The following TDP1 variants were observed in gnomAD, a reference collection of about 807,000 sequenced individuals.
TDP1 encodes the protein tyr-DNA phosphodiesterase 1.
Under a neutral mutation model 81.5 loss-of-function variants are expected in TDP1, and 64 were observed. The observed-to-expected ratio is 0.79, with a 90% CI of 0.64 to 0.97. The LOEUF is 0.97. Among genes scored for constraint, TDP1 ranks in the 50% least tolerant of loss-of-function variants. The pLI, the probability that TDP1 is intolerant of heterozygous loss-of-function variation, is 0.00. For missense variants in TDP1, 723 were observed against 743.8 expected (o/e 0.97, Z 0.33); for synonymous variants, 256 against 264.3 (o/e 0.97, Z 0.30).
chr14:89,973,902 C>A (rs903094217), intron 6 of TDP1, among the ~76,000 whole-genome samples: 6 of 152,078 alleles, frequency 3.9e-5, no homozygotes, highest in Admixed American at 3.9e-4. Context: ...CACGTTCTCA[C>A]GGTGTCCTCA....
intron 7 of TDP1, among the ~76,000 whole-genome samples, chr14:89,977,433 G>T (rs768734976): frequency 6.6e-6 from 1 of 152,076 alleles, no homozygotes; most frequent in Admixed American, 6.5e-5. Context: ...GAGTTGCTGG[G>T]ACTACAGGCG....
intron 9 of TDP1, 23 bp from the exon 10 acceptor site, chr14:89,985,109 C>A: frequency 6.4e-7 from 1 of 1,572,028 alleles, no homozygotes; most frequent in Non-Finnish European, 8.7e-7. Flanking sequence ...TATTTTATAA[C>A]TTGTGTTTTT....
intron 15 of TDP1, chr14:90,022,926 C>A: frequency 1.4e-6 from 1 of 737,632 alleles, no homozygotes; most frequent in Non-Finnish European, 2.3e-6. Context: ...CGGTTCCCTC[C>A]TCAAAGCATA....
At chr14:89,959,578 A>C (rs147653777) in intron 2 of TDP1, among the ~76,000 whole-genome samples, 1 of 152,256 alleles carries the variant, frequency 6.6e-6, no homozygotes, top group East Asian at 1.9e-4. Context: ...TAAGCAACTC[A>C]GGCATATTTT....
At chr14:90,023,039 C>T (rs768879734) in intron 15 of TDP1, 61 of 763,198 alleles carry the variant, frequency 8.0e-5, no homozygotes, top group South Asian at 6.8e-4. Flanking sequence ...CAGGCCCCTG[C>T]GAAGAGAATA....
intron 2 of TDP1, among the ~76,000 whole-genome samples, chr14:89,961,705 A>G (rs1464673857): frequency 6.6e-6 from 1 of 152,000 alleles, no homozygotes; most frequent in Non-Finnish European, 1.5e-5. Context: ...CAAGATTTTT[A>G]TTTTTAGTTC....
chr14:89,963,417 G>A lies in TDP1; in HGVS notation c.303G>A (p.Pro101=), dbSNP rs201391936. The A allele has an allele frequency of 1.4e-5, 23 of 1,614,136 alleles. No individual in the cohort carries two copies. In the East Asian group the frequency reaches 2.9e-4, roughly 20 times the overall value. Residue 101 remains proline (P), a synonymous_variant, in exon 3 of 17, where the codon CCG becomes CCA. Coordinates refer to ENST00000335725, the MANE Select transcript of TDP1 (RefSeq NM_018319.4). ...SSDDELQPEM[P]QKQAEKVVIK... ...ATGATGAGCTGCAACCAGAAATGCC[G>A]CAGAAGCAGGCTGAGAAAGTGGTGA...
At chr14:90,020,058 C>T (rs1885788860) in intron 15 of TDP1, among the ~76,000 whole-genome samples, 2 of 152,164 alleles carry the variant, frequency 1.3e-5, no homozygotes, top group South Asian at 4.1e-4. Flanking sequence ...TCCAGCACAG[C>T]CAGCTTGTCT....
chr14:89,964,844 T>G (rs1330445889), intron 3 of TDP1: 1 of 445,248 alleles, frequency 2.2e-6, no homozygotes, highest in Non-Finnish European at 4.5e-6. Flanking sequence ...TCTCCTTTAA[T>G]CCTCAGGACA....
At position 89,980,394 on chromosome 14, in the gene TDP1, A is replaced by G. The variant is rs34982334; in HGVS notation, c.792-146A>G. The G allele has an allele frequency of 5.3e-4, 743 of 1,409,216 alleles. 6 individuals are homozygous for G. The African/African-American group carries it at 8.6e-3, about 16-fold the overall frequency. 87.3% of individuals were successfully genotyped at this position (1,409,216 alleles called of 1,614,324 possible). A position where few individuals can be genotyped will look rare whatever the true frequency, so the allele number is the denominator to read the frequency against. On this transcript the variant is annotated intron_variant, in intron 7 of 16. Coordinates refer to ENST00000335725, the MANE Select transcript of TDP1 (RefSeq NM_018319.4). ...AGGCAGACTTTCATCATGGTAATGT[A>G]TAGAAGGGAAGATTATAAATGTTAA...
At chr14:89,961,111 G>A (rs1031319071) in intron 2 of TDP1, among the ~76,000 whole-genome samples, 1 of 152,192 alleles carries the variant, frequency 6.6e-6, no homozygotes, top group Non-Finnish European at 1.5e-5. Flanking sequence ...ACCAAGGGGG[G>A]ACACGTGTGC....
At chr14:90,031,779 C>T (rs1276870463) in intron 15 of TDP1, among the ~76,000 whole-genome samples, 1 of 152,128 alleles carries the variant, frequency 6.6e-6, no homozygotes, top group South Asian at 2.1e-4. Context: ...CCTCCACCTG[C>T]AACATAATTC....
rs1407965804 is a variant in TDP1 at position 90,029,464 on chromosome 14, GC to G, written c.1645-3641del. Among the ~76,000 whole-genome samples, 253 of 150,328 alleles carry G rather than the reference GC, an allele frequency of 1.7e-3. 2 individuals carry two copies. Among genetic ancestry groups the G allele is most frequent in the Non-Finnish European group, 2.9e-3 (195 of 67,776 alleles). On this transcript the variant is annotated intron_variant, in intron 15 of 16. Coordinates refer to ENST00000335725, the MANE Select transcript of TDP1 (RefSeq NM_018319.4). ...TCCGCCCGCCTCGGCCTCACAAAGT[GC>G]TGGCATTACAGGCATGAGCCACCGC...
At position 89,985,838 on chromosome 14, in the gene TDP1, C is replaced by G. The variant is rs188878623; in HGVS notation, c.1131+628C>G. Among the ~76,000 whole-genome samples, 27 of 152,186 alleles carry G rather than the reference C, an allele frequency of 1.8e-4. 1 individual carries two copies. In the East Asian group the frequency reaches 4.1e-3, roughly 23 times the overall value. ...GGTTAGGAGTTCAAGACCAGCCTGG[C>G]CAACGTGGTGAAACCCTGTCTCTAC... On this transcript the variant is annotated intron_variant, in intron 10 of 16. Coordinates refer to ENST00000335725, the MANE Select transcript of TDP1 (RefSeq NM_018319.4).
intron 16 of TDP1, among the ~76,000 whole-genome samples, chr14:90,037,617 T>G (rs1887955191): frequency 6.6e-6 from 1 of 152,238 alleles, no homozygotes; most frequent in East Asian, 1.9e-4. Flanking sequence ...TGTCAATATT[T>G]TATCACATTT....
At chr14:90,038,798 A>T (rs1303432754) in intron 16 of TDP1, among the ~76,000 whole-genome samples, 1 of 152,084 alleles carries the variant, frequency 6.6e-6, no homozygotes, top group East Asian at 1.9e-4. Flanking sequence ...AGATCGTGTC[A>T]CTGCACTTCA....
At chr14:90,007,571 A>G (rs980364317) in intron 14 of TDP1, among the ~76,000 whole-genome samples, 1 of 152,126 alleles carries the variant, frequency 6.6e-6, no homozygotes, top group Non-Finnish European at 1.5e-5. Context: ...CCTGGGTAAT[A>G]GAGCAAGACC....
chr14:89,966,979 C>G lies in TDP1; in HGVS notation c.604-388C>G, dbSNP rs1566848813. On this transcript the variant is annotated intron_variant, in intron 4 of 16. Coordinates refer to ENST00000335725, the MANE Select transcript of TDP1 (RefSeq NM_018319.4). ...TGTTCTTTTCTGAAAGTCCTGGGAT[C>G]TTTGTCTCCAGTATCTGTCTTTTTA... The G allele has an allele frequency of 4.1e-6, 4 of 984,986 alleles. No individual in the cohort carries two copies. In the Admixed American group the frequency reaches 1.8e-4, roughly 45 times the overall value. The allele number at this position is 984,986 out of a possible 1,614,324, so 61.0% of individuals were successfully genotyped here.
chr14:89,996,076 C>T (rs7150321), intron 14 of TDP1, among the ~76,000 whole-genome samples: 1 of 152,142 alleles, frequency 6.6e-6, no homozygotes, highest in African/African-American at 2.4e-5. Flanking sequence ...CCAGTCCTTG[C>T]AATTACCAGG....
Sources: allele counts gnomAD v4.1 joint callset (sites outside exome capture counted in the v4.1 genomes callset), GRCh38; gene constraint gnomAD v4.1.1; transcripts MANE v1.5; gene names NCBI Gene and HGNC (gene_info 2026-07-23, HGNC 2026-07-21).